The following SYT10 variants were observed in gnomAD, a reference collection of about 807,000 sequenced individuals.
The protein encoded by SYT10 is synaptotagmin-10.
A neutral mutation model predicts 51.1 loss-of-function variants in SYT10; 31 were observed. The observed-to-expected ratio is 0.61, with a 90% confidence interval of 0.46 to 0.82. The LOEUF is 0.82. Ranked by LOEUF, SYT10 falls within the 40% of genes least tolerant of loss-of-function variation. SYT10 has a pLI of 0.00. For missense variants in SYT10, 603 were observed against 634.0 expected, an observed-to-expected ratio of 0.95 and a Z score of 0.53; for synonymous variants, 233 against 225.9, an observed-to-expected ratio of 1.03 and a Z score of -0.28.
intron 6 of SYT10, among the ~76,000 whole-genome samples, chr12:33,378,299 A>G (rs1193314876): frequency 2.0e-5 from 3 of 152,216 alleles, no homozygotes; most frequent in Admixed American, 1.3e-4. Flanking sequence ...TGCCTATTAC[A>G]TAATTCCCCT....
At chr12:33,421,647 G>T (rs1178884713) in intron 2 of SYT10, among the ~76,000 whole-genome samples, 1 of 152,148 alleles carries the variant, frequency 6.6e-6, no homozygotes, top group Non-Finnish European at 1.5e-5. Flanking sequence ...CACAGTGGTG[G>T]AATAGGAGGG....
At chr12:33,426,541 A>C (rs997162022) in intron 1 of SYT10, 46 bp from the exon 2 acceptor site, 1 of 1,395,142 alleles carries the variant, frequency 7.2e-7, no homozygotes, top group Non-Finnish European at 9.5e-7. Flanking sequence ...ATTGTACATA[A>C]AAAAGCAGAA....
chr12:33,385,412 A>G, intron 3 of SYT10, 121 bp from the exon 4 acceptor site: 1 of 1,362,832 alleles, frequency 7.3e-7, no homozygotes, highest in South Asian at 1.5e-5. Context: ...AATACAGATA[A>G]CATTGCAAGA....
intron 2 of SYT10, among the ~76,000 whole-genome samples, chr12:33,411,992 T>A (rs141671489): frequency 6.6e-6 from 1 of 152,262 alleles, no homozygotes; most frequent in Non-Finnish European, 1.5e-5. Context: ...ATATTTAGGA[T>A]ATTTTATTGA....
At chr12:33,409,692 T>C (rs1866389849) in intron 2 of SYT10, among the ~76,000 whole-genome samples, 1 of 152,124 alleles carries the variant, frequency 6.6e-6, no homozygotes, top group South Asian at 2.1e-4. Context: ...TTTTTGGTAT[T>C]TTTAGTAGAG....
chr12:33,392,503 T>C (rs756248043), intron 3 of SYT10, among the ~76,000 whole-genome samples: 54 of 152,074 alleles, frequency 3.6e-4, no homozygotes, highest in Non-Finnish European at 5.6e-4. Flanking sequence ...TTGTGTTCCA[T>C]AGAGGTCAGG....
rs1340955237 is a variant in SYT10 at position 33,375,488 on chromosome 12, G to A, written c.*1342C>T. 1.3e-5 allele frequency: 2 copies of A among 151,758 alleles called. No homozygotes were observed. The highest frequency in any genetic ancestry group is 2.4e-5 in the African/African-American group (1 of 41,314). 9.4% of individuals were successfully genotyped at this position (151,758 alleles called of 1,614,324 possible). A position where few individuals can be genotyped will look rare whatever the true frequency, so the allele number is the denominator to read the frequency against. The stretch of plus-strand genomic sequence containing the variant: ...ACTATCTATACCACACATCTTAAAA[G>A]TAAGGTTGGGGTAATTCAGTATAGA... On this transcript the variant is annotated 3_prime_UTR_variant, in exon 7 of 7. Coordinates refer to ENST00000228567, the MANE Select transcript of SYT10 (RefSeq NM_198992.4).
chr12:33,439,068 G>T (rs9971799), intron 1 of SYT10, among the ~76,000 whole-genome samples: 86,560 of 152,114 alleles, frequency 0.57, 26,001 homozygotes, highest in East Asian at 0.89. Context: ...CTCCGGGAGG[G>T]AGATGGGAGG....
rs1866048157 is a variant in SYT10 at position 33,374,633 on chromosome 12, G to A, written c.*2197C>T. On this transcript the variant is annotated 3_prime_UTR_variant, in exon 7 of 7. Coordinates refer to ENST00000228567, the MANE Select transcript of SYT10 (RefSeq NM_198992.4). ...GAGTTGTGGTGAATTTCCTCTCGCT[G>A]ATCTCTTTCTCAGGATTAACACATA... The A allele has an allele frequency of 6.6e-6, 1 of 151,896 alleles. No homozygotes were observed. Among genetic ancestry groups the A allele is most frequent in the Admixed American group, 6.6e-5 (1 of 15,238 alleles). The allele number at this position is 151,896 out of a possible 1,614,324, so 9.4% of individuals were successfully genotyped here. A position where few individuals can be genotyped will look rare whatever the true frequency, so the allele number is the denominator to read the frequency against.
chr12:33,406,996 C>T lies in SYT10; in HGVS notation c.870G>A (p.Lys290=), dbSNP rs1042570996. Residue 290 remains lysine (K), a synonymous_variant, in exon 3 of 7, where the codon AAG becomes AAA. Coordinates refer to ENST00000228567, the MANE Select transcript of SYT10 (RefSeq NM_198992.4). ...KKKFQTRVHR[K]TLNPLFDETF... is the part of the protein sequence containing the mutation. The stretch of plus-strand genomic sequence containing the variant: ...TTTCATCAAATAGAGGATTTAAAGT[C>T]TTTCTGTGCACGCGGGTCTGAAATT... 1 of 1,614,096 alleles carries T rather than the reference C, an allele frequency of 6.2e-7. No individual in the cohort carries two copies. The highest frequency in any genetic ancestry group is 2.2e-5 in the East Asian group (1 of 44,866).
chr12:33,380,887 T>C (rs1469183190), intron 5 of SYT10, among the ~76,000 whole-genome samples: 1 of 152,218 alleles, frequency 6.6e-6, no homozygotes, highest in Non-Finnish European at 1.5e-5. Flanking sequence ...ACTTTTGAGA[T>C]GATTTTAGAA....
In SYT10 at chr12:33,439,568, C is replaced by A; in HGVS notation, c.-46G>T. ...TTCTCTTTTTTTCCCAGTTAGCCGTCTTTTCCTCTTCCCGTACCTCTAACC... is the reference window on the plus strand; with the variant it reads ...TTCTCTTTTTTTCCCAGTTAGCCGTATTTTCCTCTTCCCGTACCTCTAACC... On this transcript the variant is annotated 5_prime_UTR_variant, in exon 1 of 7. Transcript: ENST00000228567. The A allele has an allele frequency of 6.3e-7, 1 of 1,598,188 alleles. No homozygotes were observed. Among genetic ancestry groups the A allele is most frequent in the South Asian group, 1.1e-5 (1 of 88,798 alleles).
rs1477901072 is a variant in SYT10, at chr12:33,374,696, A to G, written c.*2134T>C. 2.6e-5 allele frequency: 4 copies of G among 151,958 alleles called. No homozygotes were observed. The highest frequency in any genetic ancestry group is 2.9e-5 in the Non-Finnish European group (2 of 67,900). 9.4% of individuals were successfully genotyped at this position (151,958 alleles called of 1,614,324 possible). On this transcript the variant is annotated 3_prime_UTR_variant, in exon 7 of 7. Transcript: ENST00000228567. ...GAGTTTATTCTAACTTCAAGGAAACATTTAAAAAATTCTTTTAAAACTTAT... is the reference window on the plus strand; with the variant it reads ...GAGTTTATTCTAACTTCAAGGAAACGTTTAAAAAATTCTTTTAAAACTTAT...
At chr12:33,405,064 G>C (rs1216169956) in intron 3 of SYT10, 1 of 151,500 alleles carries the variant, frequency 6.6e-6, no homozygotes, top group East Asian at 1.9e-4. Context: ...TAATTTTTTA[G>C]ATTTCATTGG....
chr12:33,413,171 T>C (rs1866422769), intron 2 of SYT10, among the ~76,000 whole-genome samples: 1 of 151,974 alleles, frequency 6.6e-6, no homozygotes, highest in African/African-American at 2.4e-5. Flanking sequence ...CTCCAAGAAA[T>C]ATGGGACTAT....
rs1866175802 is a variant in SYT10, at chr12:33,388,315, A to AAT, written c.1078-3026_1078-3025dup. Among the ~76,000 whole-genome samples, 3 of 152,304 alleles carry AAT rather than the reference A, an allele frequency of 2.0e-5. No individual in the cohort carries two copies. The South Asian group carries it at 6.2e-4, about 32-fold the overall frequency. ...ATATCCTATATGTTCTGTTCAAGAA[A>AAT]ATAGAGACATGTGCACTATCTTTCA... On this transcript the variant is annotated intron_variant, in intron 3 of 6. Transcript: ENST00000228567.
chr12:33,408,131 A>G (rs908117396), intron 2 of SYT10: 1 of 152,230 alleles, frequency 6.6e-6, no homozygotes, highest in South Asian at 2.1e-4. Context: ...AGTCTCATGA[A>G]TTTCACATTT....
At chr12:33,394,083 TATG>T (rs2138399196) in intron 3 of SYT10, among the ~76,000 whole-genome samples, 1 of 152,326 alleles carries the variant, frequency 6.6e-6, no homozygotes, top group East Asian at 1.9e-4. Context: ...GTCTACTTGT[TATG>T]ATAACAGTGT....
At chr12:33,421,157 G>A (rs992517834) in intron 2 of SYT10, among the ~76,000 whole-genome samples, 1 of 151,936 alleles carries the variant, frequency 6.6e-6, no homozygotes, top group East Asian at 1.9e-4. Flanking sequence ...TTATAATAAT[G>A]CACATTAAGC....
Sources: gnomAD v4.1 joint callset for allele counts (sites outside exome capture counted in the v4.1 genomes callset) on GRCh38, gnomAD v4.1.1 for gene constraint, MANE v1.5 for transcripts, NCBI Gene and HGNC (gene_info 2026-07-23, HGNC 2026-07-21) for gene names.